The following SLIT3 variants were observed in gnomAD, a reference collection of about 807,000 sequenced individuals.
The protein encoded by SLIT3 is slit guidance ligand 3, also known as slit homolog 3 protein.
SLIT3 carries 68 observed loss-of-function variants against 184.0 expected under a neutral mutation model. The ratio of observed to expected loss-of-function variants is 0.37; its 90% CI spans 0.30 to 0.45. SLIT3 has a LOEUF of 0.45. SLIT3 is among the 20% of genes least tolerant of loss of function. SLIT3 has a pLI of 1.00. For synonymous variants in SLIT3, 831 were observed against 828.6 expected (o/e 1.00, Z -0.05); for missense variants, 1,707 against 2,026.0 (o/e 0.84, Z 3.02).
At chr5:169,259,110 T>G (rs921666598) in intron 1 of SLIT3, among the ~76,000 whole-genome samples, 1 of 152,204 alleles carries the variant, frequency 6.6e-6, no homozygotes, top group African/African-American at 2.4e-5. Context: ...TCTTGCTCTC[T>G]TGCTCAGGCT....
At chr5:168,940,457 G>GA (rs1020277507) in intron 4 of SLIT3, among the ~76,000 whole-genome samples, 3 of 150,704 alleles carry the variant, frequency 2.0e-5, no homozygotes, top group Non-Finnish European at 3.0e-5. Context: ...GAGCAAAGAA[G>GA]AAAAAAAACT....
intron 4 of SLIT3, among the ~76,000 whole-genome samples, chr5:169,132,020 T>C (rs933800402): frequency 6.6e-6 from 1 of 152,140 alleles, no homozygotes; most frequent in African/African-American, 2.4e-5. Context: ...TTCCACACCA[T>C]CCTAGAAGAG....
intron 4 of SLIT3, among the ~76,000 whole-genome samples, chr5:168,923,009 A>T (rs1398298785): frequency 2.0e-5 from 3 of 152,202 alleles, no homozygotes; most frequent in Non-Finnish European, 4.4e-5. Flanking sequence ...GGATACTTTC[A>T]TTAAGAGGTT....
chr5:169,043,471 T>A (rs1272041169), intron 4 of SLIT3, among the ~76,000 whole-genome samples: 1 of 152,190 alleles, frequency 6.6e-6, no homozygotes, highest in Non-Finnish European at 1.5e-5. Flanking sequence ...CCCCACTGTA[T>A]AAAGGCAATA....
chr5:168,981,698 A>G (rs1055968792), intron 4 of SLIT3, among the ~76,000 whole-genome samples: 3 of 152,070 alleles, frequency 2.0e-5, no homozygotes, highest in African/African-American at 7.2e-5. Flanking sequence ...TTGATCAATA[A>G]CTCCATGTCT....
intron 1 of SLIT3, among the ~76,000 whole-genome samples, chr5:169,258,088 C>T (rs1167821371): frequency 1.3e-5 from 2 of 152,044 alleles, no homozygotes; most frequent in African/African-American, 2.4e-5. Flanking sequence ...AGTTTAGTTT[C>T]CCCCATCCCC....
chr5:169,142,271 TAAAC>T (rs1478439409), intron 4 of SLIT3, among the ~76,000 whole-genome samples: 8 of 152,102 alleles, frequency 5.3e-5, no homozygotes, highest in African/African-American at 1.9e-4. Context: ...TTAAGGATTA[TAAAC>T]AAACAGTGTT....
intron 4 of SLIT3, among the ~76,000 whole-genome samples, chr5:168,899,795 C>T (rs568926272): frequency 1.7e-3 from 57 of 32,582 alleles, no homozygotes; most frequent in African/African-American, 2.7e-3. Context: ...TTGGATGGAA[C>T]ATTGCCCCTA....
chr5:169,088,223 C>T (rs962588033), intron 4 of SLIT3, among the ~76,000 whole-genome samples: 1 of 152,114 alleles, frequency 6.6e-6, no homozygotes, highest in African/African-American at 2.4e-5. Context: ...GGCCGTATGG[C>T]TTGTGTTCAT....
rs1760872281 is a variant in SLIT3 at position 168,662,096 on chromosome 5, G to C, written c.*4358C>G. On this transcript the variant is annotated 3_prime_UTR_variant, in exon 36 of 36. Transcript: ENST00000519560. ...ATGCCCTCTGCTTCCCCATCATGTGGGGACCATCTGCCTGGACATCCACTG... is the reference window on the plus strand; with the variant it reads ...ATGCCCTCTGCTTCCCCATCATGTGCGGACCATCTGCCTGGACATCCACTG... The C allele has an allele frequency of 6.6e-6, 1 of 152,228 alleles. No individual in the cohort carries two copies. The highest frequency in any genetic ancestry group is 1.9e-4 in the East Asian group (1 of 5,194). The allele number at this position is 152,228 out of a possible 1,614,324, so 9.4% of individuals were successfully genotyped here.
At chr5:169,057,489 A>C (rs13154825) in intron 4 of SLIT3, among the ~76,000 whole-genome samples, 6,361 of 152,330 alleles carry the variant, frequency 0.042, 184 homozygotes, top group Middle Eastern at 0.1. Context: ...AATAGAGTGC[A>C]AAAGCAGCGT....
chr5:169,142,754 C>G (rs1470105677), intron 4 of SLIT3, among the ~76,000 whole-genome samples: 1 of 152,216 alleles, frequency 6.6e-6, no homozygotes, highest in Non-Finnish European at 1.5e-5. Flanking sequence ...ACCCCCACAC[C>G]TACTCCTCAC....
intron 4 of SLIT3, among the ~76,000 whole-genome samples, chr5:168,919,203 T>C (rs1165837392): frequency 6.8e-6 from 1 of 146,768 alleles, no homozygotes; most frequent in Non-Finnish European, 1.5e-5. Flanking sequence ...GAGGTTGCAG[T>C]GAGCCGAGAT....
rs1205228075 is a variant in SLIT3, at chr5:168,666,103, C to CTTTTG, written c.*346_*350dup. The stretch of plus-strand genomic sequence containing the variant: ...CAGGCTATCATTCTTTATTCTTATC[C>CTTTTG]TTTTGTTTTAAAGCATTTTTATTAG... On this transcript the variant is annotated 3_prime_UTR_variant, in exon 36 of 36. Coordinates refer to ENST00000519560, the MANE Select transcript of SLIT3 (RefSeq NM_003062.4). 6.0e-6 allele frequency: 1 copy of CTTTTG among 167,768 alleles called. No individual in the cohort carries two copies. The highest frequency in any genetic ancestry group is 1.7e-4 in the East Asian group (1 of 6,020). 10.4% of individuals were successfully genotyped at this position (167,768 alleles called of 1,614,324 possible). A position where few individuals can be genotyped will look rare whatever the true frequency, so the allele number is the denominator to read the frequency against.
intron 5 of SLIT3, among the ~76,000 whole-genome samples, chr5:168,855,358 C>T (rs1758826595): frequency 6.6e-6 from 1 of 152,220 alleles, no homozygotes; most frequent in Admixed American, 6.5e-5. Flanking sequence ...CCCAGCAATT[C>T]CATCCCTAGG....
In SLIT3 at chr5:168,663,919, A is replaced by G. The variant is rs1760950634; in HGVS notation, c.*2535T>C. ...TATGACTGTTTTTGTCACAGGCTGT[A>G]GGATCCTCAAAGGCAGGATGTGTTT... On this transcript the variant is annotated 3_prime_UTR_variant, in exon 36 of 36. Transcript: ENST00000519560. 6.6e-6 allele frequency: 1 copy of G among 152,228 alleles called. No homozygotes were observed. The allele number at this position is 152,228 out of a possible 1,614,324, so 9.4% of individuals were successfully genotyped here. A position where few individuals can be genotyped will look rare whatever the true frequency, so the allele number is the denominator to read the frequency against.
chr5:169,214,684 A>G (rs139981159), intron 3 of SLIT3, among the ~76,000 whole-genome samples: 29 of 152,284 alleles, frequency 1.9e-4, no homozygotes, highest in African/African-American at 5.3e-4. Context: ...AGTGAAAGGG[A>G]TATGCTGCTC....
At chr5:168,999,866 C>T (rs1755643041) in intron 4 of SLIT3, among the ~76,000 whole-genome samples, 3 of 152,202 alleles carry the variant, frequency 2.0e-5, no homozygotes, top group South Asian at 4.1e-4. Context: ...AAAAGTGGAC[C>T]TGCTGGACTG....
intron 6 of SLIT3, among the ~76,000 whole-genome samples, chr5:168,828,146 C>T (rs1757762588): frequency 6.6e-6 from 1 of 152,238 alleles, no homozygotes; most frequent in African/African-American, 2.4e-5. Context: ...GAAATCCCAA[C>T]TGGCAAGTAG....
Sources: allele counts gnomAD v4.1 joint callset (sites outside exome capture counted in the v4.1 genomes callset), GRCh38; gene constraint gnomAD v4.1.1; transcripts MANE v1.5; gene names NCBI Gene and HGNC (gene_info 2026-07-23, HGNC 2026-07-21).